The following CTNNA2 variants were observed in gnomAD, a reference collection of about 807,000 sequenced individuals.
The protein encoded by CTNNA2 is catenin alpha-2.
Under a neutral mutation model 101.0 loss-of-function variants are expected in CTNNA2, and 42 were observed. That is an observed-to-expected ratio of 0.42 (90% CI 0.32 to 0.54). The LOEUF is 0.54. Among genes scored for constraint, CTNNA2 ranks in the 20% least tolerant of loss-of-function variants. The pLI is 0.14. For synonymous variants in CTNNA2, 450 were observed against 456.4 expected (o/e 0.99, Z 0.18); for missense variants, 871 against 1,223.1 (o/e 0.71, Z 4.29).
intron 3 of CTNNA2, among the ~76,000 whole-genome samples, chr2:79,779,903 G>A (rs557134679): frequency 9.2e-5 from 14 of 152,218 alleles, no homozygotes; most frequent in African/African-American, 3.1e-4. Flanking sequence ...GATGGGAGGT[G>A]GGAGCCAGAC....
chr2:80,182,127 G>A (rs1573322724), intron 7 of CTNNA2, among the ~76,000 whole-genome samples: 1 of 152,144 alleles, frequency 6.6e-6, no homozygotes, highest in Admixed American at 6.5e-5. Context: ...GAGGAGCAAA[G>A]AAGCCAGTAC....
chr2:80,629,973 A>G (rs909100443), intron 18 of CTNNA2, among the ~76,000 whole-genome samples: 3 of 152,168 alleles, frequency 2.0e-5, no homozygotes, highest in Non-Finnish European at 4.4e-5. Context: ...AGATAGTTCC[A>G]GATTTAGCTG....
intron 4 of CTNNA2, among the ~76,000 whole-genome samples, chr2:79,410,064 T>C (rs1195616125): frequency 6.7e-6 from 1 of 149,578 alleles, no homozygotes; most frequent in Non-Finnish European, 1.5e-5. Flanking sequence ...TTTGAAGCAA[T>C]TGTGAATGGG....
At chr2:79,547,639 A>C (rs917665726) in intron 1 of CTNNA2, 1 of 152,198 alleles carries the variant, frequency 6.6e-6, no homozygotes, top group African/African-American at 2.4e-5. Flanking sequence ...TTATCTTCGT[A>C]GGGCCTCCCT....
At chr2:80,514,632 AG>A (rs1330197383) in intron 9 of CTNNA2, among the ~76,000 whole-genome samples, 1 of 152,104 alleles carries the variant, frequency 6.6e-6, no homozygotes, top group Non-Finnish European at 1.5e-5. Context: ...GTGACCAGGC[AG>A]GCAGGTAAAC....
intron 2 of CTNNA2, among the ~76,000 whole-genome samples, chr2:79,674,231 T>G (rs1683040554): frequency 6.6e-6 from 1 of 152,222 alleles, no homozygotes; most frequent in Non-Finnish European, 1.5e-5. Context: ...TCAGTGGCCC[T>G]ATTTTAGAGA....
At chr2:79,879,024 T>C (rs964091947) in intron 6 of CTNNA2, among the ~76,000 whole-genome samples, 5 of 152,162 alleles carry the variant, frequency 3.3e-5, no homozygotes, top group Admixed American at 6.5e-5. Context: ...GGTCCAGTTT[T>C]AGTTTTCTGC....
chr2:80,319,554 T>G (rs1251756084), intron 7 of CTNNA2, among the ~76,000 whole-genome samples: 1 of 152,246 alleles, frequency 6.6e-6, no homozygotes, highest in Non-Finnish European at 1.5e-5. Context: ...AAGTACTGTT[T>G]ACTTTGATGG....
At chr2:79,912,694 T>C (rs1479897969) in intron 7 of CTNNA2, among the ~76,000 whole-genome samples, 1 of 152,186 alleles carries the variant, frequency 6.6e-6, no homozygotes, top group Non-Finnish European at 1.5e-5. Flanking sequence ...CCCCTTTAAG[T>C]AAACTATTAT....
In CTNNA2 at chr2:80,627,559, G is replaced by GT. The variant is rs541477593; in HGVS notation, c.2574+8338dup. On this transcript the variant is annotated intron_variant, in intron 18 of 18. Coordinates refer to ENST00000402739, the MANE Select transcript of CTNNA2 (RefSeq NM_001282597.3). ...CATATCCTTTGCCCACTTTTTGATG[G>GT]TTTTTTTCTTCTTGTAAATTTAAGT... 9.9e-5 allele frequency among the ~76,000 whole-genome samples: 15 copies of GT among 152,008 alleles called. No homozygotes were observed. In the East Asian group the frequency reaches 2.5e-3, roughly 26 times the overall value.
At chr2:79,295,922 A>T (rs539652048) in intron 2 of CTNNA2, among the ~76,000 whole-genome samples, 8 of 152,178 alleles carry the variant, frequency 5.3e-5, no homozygotes, top group African/African-American at 1.9e-4. Context: ...GTTTTCCTCA[A>T]CAAAATTGTG....
At chr2:80,591,117 T>C (rs1696447804) in intron 15 of CTNNA2, among the ~76,000 whole-genome samples, 1 of 152,216 alleles carries the variant, frequency 6.6e-6, no homozygotes, top group Admixed American at 6.5e-5. Flanking sequence ...ATTATATAAC[T>C]GTGGTCAAGG....
intron 9 of CTNNA2, among the ~76,000 whole-genome samples, chr2:80,542,314 T>C (rs1224755726): frequency 1.3e-5 from 2 of 152,112 alleles, no homozygotes; most frequent in Non-Finnish European, 2.9e-5. Flanking sequence ...ATGTCTTTTT[T>C]CCAGCAGTTT....
intron 7 of CTNNA2, among the ~76,000 whole-genome samples, chr2:80,183,439 C>A (rs937953923): frequency 1.3e-5 from 2 of 152,130 alleles, no homozygotes; most frequent in African/African-American, 4.8e-5. Flanking sequence ...CAAACCAAAA[C>A]CACAAAAATG....
intron 1 of CTNNA2, among the ~76,000 whole-genome samples, chr2:79,520,541 C>T (rs1672048285): frequency 6.6e-6 from 1 of 152,136 alleles, no homozygotes; most frequent in South Asian, 2.1e-4. Context: ...AAGTTTTGCT[C>T]TTCAAAAGAC....
chr2:79,730,825 C>CAG (rs1455230673), intron 2 of CTNNA2, among the ~76,000 whole-genome samples: 2 of 151,380 alleles, frequency 1.3e-5, no homozygotes, highest in East Asian at 1.9e-4. Flanking sequence ...TTTCATGCTA[C>CAG]AGAGAGAGAG....
chr2:79,328,450 A>G (rs1288205047), intron 3 of CTNNA2, among the ~76,000 whole-genome samples: 1 of 152,210 alleles, frequency 6.6e-6, no homozygotes, highest in East Asian at 1.9e-4. Flanking sequence ...CTGGCTAGAC[A>G]TATGAATTTG....
intron 2 of CTNNA2, among the ~76,000 whole-genome samples, chr2:79,223,459 T>G (rs1674371171): frequency 6.6e-6 from 1 of 152,162 alleles, no homozygotes. Context: ...CTCTTCCTTC[T>G]CAGAATTGAT....
At chr2:80,436,175 G>A (rs1251363132) in intron 9 of CTNNA2, among the ~76,000 whole-genome samples, 1 of 152,142 alleles carries the variant, frequency 6.6e-6, no homozygotes, top group Admixed American at 6.5e-5. Context: ...CTGAAGGCAG[G>A]TCAGTGTTTG....
Sources: gnomAD v4.1 joint callset for allele counts (sites outside exome capture counted in the v4.1 genomes callset) on GRCh38, gnomAD v4.1.1 for gene constraint, MANE v1.5 for transcripts, NCBI Gene and HGNC (gene_info 2026-07-23, HGNC 2026-07-21) for gene names.